ST3GAL3: variants seen among roughly 807,000 people sequenced by gnomAD.
ST3GAL3 encodes the protein ST3 beta-galactoside alpha-2,3-sialyltransferase 3.
In ST3GAL3, 21 loss-of-function variants were observed where a neutral mutation model predicts 50.1. The ratio of observed to expected loss-of-function variants is 0.42; its 90% CI spans 0.30 to 0.60. The LOEUF (loss-of-function observed/expected upper bound fraction) is 0.60, where lower values mean the gene tolerates loss of function less well. Among genes scored for constraint, ST3GAL3 ranks in the 20% least tolerant of loss-of-function variants. The probability of loss-of-function intolerance (pLI) is 0.19; values close to 1 mark genes in which losing one functional copy is unlikely to be tolerated. For synonymous variants in ST3GAL3, 183 were observed against 190.0 expected, an observed-to-expected ratio of 0.96 and a Z score of 0.30; for missense variants, 353 against 489.4, an observed-to-expected ratio of 0.72 and a Z score of 2.63.
At chr1:43,838,559 A>G (rs1367444456) in intron 5 of ST3GAL3, 2 of 455,592 alleles carry the variant, frequency 4.4e-6, no homozygotes, top group Admixed American at 3.2e-5. Context: ...GATAACCTAC[A>G]TGGTTGCCGC....
At chr1:43,925,545 C>T (rs2083771905) in intron 11 of ST3GAL3, among the ~76,000 whole-genome samples, 2 of 152,180 alleles carry the variant, frequency 1.3e-5, no homozygotes, top group Admixed American at 6.5e-5. Context: ...TTTACCAATC[C>T]CCAGAAGAGG....
chr1:43,911,634 T>TATATCTATAGATATATCTGTAGCTATAG (rs1557497196), intron 9 of ST3GAL3, among the ~76,000 whole-genome samples: 4 of 127,762 alleles, frequency 3.1e-5, no homozygotes, highest in African/African-American at 1.3e-4. Flanking sequence ...TATAGATATC[T>TATATCTATAGATATATCTGTAGCTATAG]ATATCTATAG....
intron 11 of ST3GAL3, among the ~76,000 whole-genome samples, chr1:43,922,952 C>T (rs2428962): frequency 0.84 from 127,554 of 151,698 alleles, 54,673 homozygotes; most frequent in Non-Finnish European, 0.93. Context: ...ATACAAAAAA[C>T]TAGCCGGGCA....
At chr1:43,905,355 T>G (rs998014379) in intron 9 of ST3GAL3, among the ~76,000 whole-genome samples, 1 of 15,302 alleles carries the variant, frequency 6.5e-5, no homozygotes, top group Non-Finnish European at 1.2e-4. Flanking sequence ...CTCTTCCCCC[T>G]CCTCCTTCTG....
chr1:43,916,714 C>T (rs1272467240), intron 9 of ST3GAL3: 1 of 152,108 alleles, frequency 6.6e-6, no homozygotes, highest in African/African-American at 2.4e-5. Flanking sequence ...CCCCGAGTGG[C>T]TGGGACCACA....
intron 5 of ST3GAL3, among the ~76,000 whole-genome samples, chr1:43,873,539 C>CT (rs1325775812): frequency 1.3e-5 from 2 of 151,842 alleles, no homozygotes; most frequent in Admixed American, 6.6e-5. Context: ...AATCCCAGCA[C>CT]TTTGGGAGGC....
At chr1:43,803,495 G>A (rs1293672858) in intron 3 of ST3GAL3, among the ~76,000 whole-genome samples, 1 of 152,150 alleles carries the variant, frequency 6.6e-6, no homozygotes, top group Non-Finnish European at 1.5e-5. Flanking sequence ...GACTTTGTGA[G>A]CCCGATTTTT....
chr1:43,870,740 G>C (rs1457283048), intron 5 of ST3GAL3, among the ~76,000 whole-genome samples: 1 of 152,124 alleles, frequency 6.6e-6, no homozygotes, highest in Non-Finnish European at 1.5e-5. Context: ...ATGGGAAGAC[G>C]ATAGGCTTGA....
chr1:43,728,581 C>CA (rs1674106565), intron 1 of ST3GAL3, among the ~76,000 whole-genome samples: 1 of 152,042 alleles, frequency 6.6e-6, no homozygotes, highest in South Asian at 2.1e-4. Flanking sequence ...CCTGTTGCCA[C>CA]AAAAAGTTAA....
At chr1:43,709,985 C>A (rs746626710) in intron 1 of ST3GAL3, among the ~76,000 whole-genome samples, 4 of 152,098 alleles carry the variant, frequency 2.6e-5, no homozygotes, top group African/African-American at 9.7e-5. Flanking sequence ...AACCCAGAAG[C>A]GGCACCTCAA....
intron 1 of ST3GAL3, 93 bp from the exon 2 acceptor site, chr1:43,736,140 C>T: frequency 2.4e-6 from 3 of 1,232,144 alleles, no homozygotes; most frequent in Non-Finnish European, 3.5e-6. Context: ...AGTTATTCTT[C>T]ATTTGGAAAT....
chr1:43,714,952 A>G (rs1248516837), intron 1 of ST3GAL3, among the ~76,000 whole-genome samples: 1 of 152,192 alleles, frequency 6.6e-6, no homozygotes. Context: ...ATGAAATGTC[A>G]TCTACTGCCT....
chr1:43,915,884 C>T (rs1004015422), intron 9 of ST3GAL3, among the ~76,000 whole-genome samples: 2 of 152,064 alleles, frequency 1.3e-5, no homozygotes, highest in African/African-American at 2.4e-5. Flanking sequence ...TTTGGGAGGC[C>T]GAGGTGGGCG....
intron 1 of ST3GAL3, among the ~76,000 whole-genome samples, chr1:43,732,114 A>G (rs986305634): frequency 2.6e-5 from 4 of 152,226 alleles, no homozygotes; most frequent in African/African-American, 4.8e-5. Context: ...CTGTTAGTAC[A>G]TGCAGATATG....
intron 5 of ST3GAL3, among the ~76,000 whole-genome samples, chr1:43,857,948 C>T (rs1272866944): frequency 6.6e-6 from 1 of 152,098 alleles, no homozygotes; most frequent in African/African-American, 2.4e-5. Flanking sequence ...CATTTTTATT[C>T]TATTTTATAA....
intron 1 of ST3GAL3, among the ~76,000 whole-genome samples, chr1:43,714,960 C>T (rs1041699250): frequency 2.6e-5 from 4 of 152,168 alleles, no homozygotes; most frequent in Non-Finnish European, 5.9e-5. Flanking sequence ...TCATCTACTG[C>T]CTTGGCCCAT....
intron 2 of ST3GAL3, among the ~76,000 whole-genome samples, chr1:43,770,651 T>A (rs1264604206): frequency 6.6e-6 from 1 of 151,992 alleles, no homozygotes; most frequent in African/African-American, 2.4e-5. Flanking sequence ...AGCCTCAGCC[T>A]CCCCAAGTAG....
chr1:43,785,849 C>G (rs1038836887), intron 2 of ST3GAL3, among the ~76,000 whole-genome samples: 2 of 152,146 alleles, frequency 1.3e-5, no homozygotes, highest in African/African-American at 4.8e-5. Context: ...GGCCAGTTGT[C>G]AGTGGCCAGA....
At chr1:43,758,391 C>G (rs1429517522) in intron 2 of ST3GAL3, among the ~76,000 whole-genome samples, 2 of 152,060 alleles carry the variant, frequency 1.3e-5, no homozygotes, top group Non-Finnish European at 2.9e-5. Context: ...GCTAGGACTA[C>G]AGAAGTGTGC....
Sources: allele counts gnomAD v4.1 joint callset (sites outside exome capture counted in the v4.1 genomes callset), GRCh38; gene constraint gnomAD v4.1.1; transcripts MANE v1.5; gene names NCBI Gene and HGNC (gene_info 2026-07-23, HGNC 2026-07-21).